Variants in SLC11A2 observed in about 807,000 individuals in gnomAD.
The protein encoded by SLC11A2 is solute carrier family 11 member 2, also known as natural resistance-associated macrophage protein 2.
Under a neutral mutation model 68.0 loss-of-function variants are expected in SLC11A2, and 38 were observed. The observed-to-expected ratio is 0.56, with a 90% CI of 0.43 to 0.73. SLC11A2 has a LOEUF of 0.73. Ranked by LOEUF, SLC11A2 falls within the 30% of genes least tolerant of loss-of-function variation. The pLI, the probability that SLC11A2 is intolerant of heterozygous loss-of-function variation, is 0.00. For synonymous variants in SLC11A2, 242 were observed against 250.6 expected (o/e 0.97, Z 0.32); for missense variants, 517 against 690.5 (o/e 0.75, Z 2.82).
At chr12:51,022,438 CAA>C (rs147670584) in intron 1 of SLC11A2, among the ~76,000 whole-genome samples, 104,518 of 118,566 alleles carry the variant, frequency 0.88, 45,994 homozygotes, top group East Asian at 0.96. Context: ...TACTTTTTTC[CAA>C]AAAAAAAAAA....
chr12:50,981,782 G>T, downstream of SLC11A2: 1 of 1,532,968 alleles, frequency 6.5e-7, no homozygotes, highest in South Asian at 1.2e-5. Flanking sequence ...AGTTCAGGCT[G>T]AGCTGTCAAT....
At chr12:50,953,802 C>T in the SLC11A2 span, 2 of 516,228 alleles carry the variant, frequency 3.9e-6, no homozygotes, top group Non-Finnish European at 6.9e-6. Flanking sequence ...TTTCTTATCC[C>T]CTTCCCCTGC....
chr12:50,966,813 A>AACG, the SLC11A2 span, among the ~76,000 whole-genome samples: 1 of 133,412 alleles, frequency 7.5e-6, no homozygotes, highest in South Asian at 2.6e-4. Flanking sequence ...ATGGTTTAAC[A>AACG]TAAGTGACTT....
At chr12:51,002,391 C>T (rs985819627) in intron 5 of SLC11A2, among the ~76,000 whole-genome samples, 4 of 152,038 alleles carry the variant, frequency 2.6e-5, no homozygotes, top group African/African-American at 9.7e-5. Context: ...GTAATCCCAG[C>T]ACTTTGAGAG....
the SLC11A2 span, among the ~76,000 whole-genome samples, chr12:50,962,156 C>T: frequency 4.6e-5 from 7 of 151,898 alleles, no homozygotes; most frequent in African/African-American, 1.5e-4. Flanking sequence ...GATGCCGAGG[C>T]GGGCAGATCA....
chr12:50,992,730 C>CAAA (rs954460640), intron 12 of SLC11A2, 80 bp downstream of exon 12: 264 of 943,900 alleles, frequency 2.8e-4, no homozygotes, highest in African/African-American at 4.0e-4. Context: ...GACTCCATCT[C>CAAA]AAAAAAAAAA....
chr12:50,991,401 C>T, intron 14 of SLC11A2, 198 bp downstream of exon 14: 1 of 607,466 alleles, frequency 1.6e-6, no homozygotes. Flanking sequence ...TTTCTCTCCC[C>T]TTCATATGAA....
At chr12:50,984,408 T>C (rs1475326603), downstream of SLC11A2, among the ~76,000 whole-genome samples, 1 of 152,194 alleles carries the variant, frequency 6.6e-6, no homozygotes, top group Non-Finnish European at 1.5e-5. Context: ...CAATTAAATA[T>C]ATTGACAATT....
rs1435673239 is a variant in SLC11A2 at position 50,987,825 on chromosome 12, G to A, written c.*500C>T. ...TCATTTTATATTTCATATGGATGAA[G>A]CTATTCTAGTTGATAATTTGGTATA... On this transcript the variant is annotated 3_prime_UTR_variant, in exon 16 of 16. Transcript: ENST00000262052. The A allele has an allele frequency of 7.9e-7, 1 of 1,263,408 alleles. No homozygotes were observed. The highest frequency in any genetic ancestry group is 1.6e-5 in the African/African-American group (1 of 64,418). The allele number at this position is 1,263,408 out of a possible 1,614,324, so 78.3% of individuals were successfully genotyped here.
intron 3 of SLC11A2, 200 bp from the exon 4 acceptor site, chr12:51,005,636 C>T (rs1566016234): frequency 7.2e-7 from 1 of 1,398,118 alleles, no homozygotes; most frequent in Non-Finnish European, 9.5e-7. Context: ...CTGTCCAAGT[C>T]AAAGCTCTTC....
chr12:50,990,819 A>C lies in SLC11A2; in HGVS notation c.1551T>G (p.Ala517=). 4 of 1,614,108 alleles carry C rather than the reference A, an allele frequency of 2.5e-6. No homozygotes were observed. Among genetic ancestry groups the C allele is most frequent in the Non-Finnish European group, 3.4e-6 (4 of 1,179,996 alleles). Residue 517 remains alanine (A), a synonymous_variant, in exon 15 of 16, where the codon GCT becomes GCG. Transcript: ENST00000262052. ...LYVVAAVVSV[A]YLGFVFYLGW... is the part of the protein sequence containing the mutation. The stretch of plus-strand genomic sequence containing the variant: ...CCAAGTAGAACACAAAGCCCAGATA[A>C]GCCACGCTGACCACAGCAGCCACCA...
At chr12:51,012,218 A>T (rs1265419110) in intron 1 of SLC11A2, among the ~76,000 whole-genome samples, 1 of 152,124 alleles carries the variant, frequency 6.6e-6, no homozygotes, top group Non-Finnish European at 1.5e-5. Flanking sequence ...GGGCGGGTGG[A>T]GTCAGGGGTG....
At chr12:51,005,786 T>C (rs1942670390) in intron 3 of SLC11A2, 1 of 912,720 alleles carries the variant, frequency 1.1e-6, no homozygotes, top group Admixed American at 2.5e-5. Context: ...CTGTGTGGTG[T>C]GTGCCTATAG....
intron 1 of SLC11A2, among the ~76,000 whole-genome samples, chr12:51,013,016 G>T (rs920084203): frequency 6.6e-6 from 1 of 152,096 alleles, no homozygotes; most frequent in African/African-American, 2.4e-5. Context: ...ACATATAATT[G>T]TAACAAACTA....
chr12:50,980,002 G>A (rs1255627408), downstream of SLC11A2: 1 of 451,830 alleles, frequency 2.2e-6, no homozygotes, highest in Admixed American at 2.4e-5. Context: ...AAGGCCAGCA[G>A]ATTACTTGAG....
intron 11 of SLC11A2, 124 bp from the exon 12 acceptor site, chr12:50,993,053 C>T: frequency 8.5e-7 from 1 of 1,178,918 alleles, no homozygotes; most frequent in Non-Finnish European, 1.2e-6. Context: ...AAGTGCTGTG[C>T]TGCGCACTGT....
In SLC11A2 at chr12:51,015,057, C is replaced by A. The variant is rs545073291; in HGVS notation, c.-38-4291G>T. ...TGCCTGTAATCCCAGCTACTCGGAA[C>A]GCTAAAGCGGGAGAATCGCTTGAAC... On this transcript the variant is annotated intron_variant, in intron 1 of 15. Coordinates refer to ENST00000262052, the MANE Select transcript of SLC11A2 (RefSeq NM_000617.3). 3.5e-4 allele frequency among the ~76,000 whole-genome samples: 53 copies of A among 150,146 alleles called. No individual in the cohort carries two copies. In the South Asian group the frequency reaches 0.011, roughly 31 times the overall value.
chr12:51,006,986 G>A (rs1451003265), intron 3 of SLC11A2, among the ~76,000 whole-genome samples: 1 of 151,990 alleles, frequency 6.6e-6, no homozygotes, highest in Non-Finnish European at 1.5e-5. Flanking sequence ...GGGCTCAAGC[G>A]ATCCACCCGC....
intron 1 of SLC11A2, among the ~76,000 whole-genome samples, chr12:51,019,874 G>A (rs1943920170): frequency 6.6e-6 from 1 of 151,840 alleles, no homozygotes; most frequent in Non-Finnish European, 1.5e-5. Context: ...TGAACTCCTG[G>A]GGTCAAAGGA....
Sources: gnomAD v4.1 joint callset for allele counts (sites outside exome capture counted in the v4.1 genomes callset) on GRCh38, gnomAD v4.1.1 for gene constraint, MANE v1.5 for transcripts, NCBI Gene and HGNC (gene_info 2026-07-23, HGNC 2026-07-21) for gene names.